The following PFKP variants were observed in gnomAD, a reference collection of about 807,000 sequenced individuals.
PFKP encodes the protein ATP-dependent 6-phosphofructokinase, platelet type.
In PFKP, 101 loss-of-function variants were observed where a neutral mutation model predicts 94.3. The ratio of observed to expected loss-of-function variants is 1.07; its 90% CI spans 0.91 to 1.26. PFKP has a LOEUF of 1.26. PFKP is among the 50% of genes most tolerant of loss of function. The probability of loss-of-function intolerance (pLI) is 0.00; values close to 1 mark genes in which losing one functional copy is unlikely to be tolerated. For missense variants in PFKP, 1,145 were observed against 1,103.3 expected (o/e 1.04, Z -0.53); for synonymous variants, 573 against 432.6 (o/e 1.32, Z -4.03).
chr10:3,080,810 C>A (rs1326164992), intron 1 of PFKP, among the ~76,000 whole-genome samples: 2 of 152,088 alleles, frequency 1.3e-5, no homozygotes, highest in Non-Finnish European at 2.9e-5. Flanking sequence ...CAGAGGGAGT[C>A]AGGGAGTCGG....
intron 16 of PFKP, among the ~76,000 whole-genome samples, chr10:3,121,439 A>T (rs1039810208): frequency 1.3e-5 from 2 of 152,114 alleles, no homozygotes; most frequent in African/African-American, 4.8e-5. Flanking sequence ...TGGGTGTGCA[A>T]TGGGAGGGAC....
At chr10:3,101,010 C>CT (rs769153137) in intron 3 of PFKP, 1 of 1,608,862 alleles carries the variant, frequency 6.2e-7, no homozygotes, top group South Asian at 1.1e-5. Context: ...GGTCAGTGGG[C>CT]TTGTCTTTGG....
intron 16 of PFKP, among the ~76,000 whole-genome samples, chr10:3,127,350 G>A (rs902340584): frequency 2.6e-5 from 4 of 152,236 alleles, no homozygotes. Flanking sequence ...ACACGCCTGG[G>A]CACAAATCAG....
At chr10:3,118,962 A>T in intron 15 of PFKP, 93 bp downstream of exon 15, 1 of 864,472 alleles carries the variant, frequency 1.2e-6, no homozygotes, top group Non-Finnish European at 1.8e-6. Flanking sequence ...ACTGGCCACG[A>T]TCCGAGATGA....
intron 14 of PFKP, among the ~76,000 whole-genome samples, chr10:3,117,537 G>A (rs76469368): frequency 0.019 from 2,920 of 152,304 alleles, 43 homozygotes; most frequent in Middle Eastern, 0.031. Context: ...TGTTCCAAGG[G>A]AGTTAGCTGC....
Position 3,105,427 on chromosome 10 carries a change from G to A in PFKP, c.700G>A (p.Ala234Thr). The A allele has an allele frequency of 6.2e-7, 1 of 1,614,072 alleles. No individual in the cohort carries two copies. Among genetic ancestry groups the A allele is most frequent in the Non-Finnish European group, 8.5e-7 (1 of 1,179,988 alleles). ...LALVSALACGADWVFLPESPP... is the reference protein window; with the variant it reads ...LALVSALACGTDWVFLPESPP... The stretch of plus-strand genomic sequence containing the variant: ...CCTGGTGAGTGCCTTGGCCTGCGGT[G>A]CGGACTGGGTGTTCCTTCCAGAATC... The change falls in exon 7 of 22, where the codon GCG becomes ACG. Residue 234 changes from alanine to threonine, a missense_variant. By Grantham distance (58) the Ala-to-Thr change is moderately conservative. Around this residue, in one of 3 missense-constraint regions of PFKP, gnomAD observed 1,119 missense variants for 1,062.8 expected, o/e 1.05. Transcript: ENST00000381125.
rs767321592 is a variant in PFKP at position 3,132,438 on chromosome 10, T to G, written c.1907T>G (p.Leu636Arg). ...MKTTIQRGLV[L>R]RNESCSENYT... ...ACCACCATCCAGAGAGGCCTTGTGC[T>G]CAGGTGAGAGAGAGAGACCAGGGGC... Residue 636 changes from leucine (L) to arginine (R), a missense_variant, in exon 18 of 22, where the codon CTC (leucine) becomes CGC (arginine). By Grantham distance (102) the Leu-to-Arg change is moderately radical (BLOSUM62 -2). This residue lies in a region of PFKP where 1,119 missense variants were observed against 1,062.8 expected (regional missense o/e 1.05). Transcript: ENST00000381125. 1.8e-5 allele frequency: 29 copies of G among 1,607,820 alleles called. No homozygotes were observed. Among genetic ancestry groups the G allele is most frequent in the African/African-American group, 5.3e-5 (4 of 74,788 alleles).
intron 13 of PFKP, 55 bp from the exon 14 acceptor site, chr10:3,116,721 G>T: frequency 3.0e-6 from 4 of 1,348,830 alleles, no homozygotes; most frequent in Non-Finnish European, 4.3e-6. Flanking sequence ...TTAGCACTTT[G>T]CAACTTGCCT....
chr10:3,124,188 C>G (rs1314476303), intron 16 of PFKP, among the ~76,000 whole-genome samples: 2 of 152,248 alleles, frequency 1.3e-5, no homozygotes, highest in East Asian at 3.9e-4. Context: ...CGCCCTGTGT[C>G]CCACCAGTAG....
At position 3,133,303 on chromosome 10, in the gene PFKP, C is replaced by T. The variant is rs1399556694; in HGVS notation, c.2011C>T (p.His671Tyr). The T allele has an allele frequency of 6.2e-7, 1 of 1,609,452 alleles. No individual in the cohort carries two copies. ...TGACTGCAGGAAGAACGTGCTGGGT[C>T]ACATGCAGCAGGTAGGCCCGAGACT... ...VFDCRKNVLG[H>Y]MQQGGAPSPF... The change falls in exon 19 of 22, where the codon CAC becomes TAC. Residue 671 changes from histidine (H) to tyrosine (Y), a missense_variant. His to Tyr is a moderately conservative substitution (Grantham distance 83). Coordinates refer to ENST00000381125, the MANE Select transcript of PFKP (RefSeq NM_002627.5).
rs1274861308 is a variant in PFKP at position 3,105,130 on chromosome 10, C to T, written c.636C>T (p.Phe212=). The stretch of plus-strand genomic sequence containing the variant: ...TCTCTTCCAGCCACCAGAGGACCTT[C>T]GTTCTGGAGGTGATGGGACGACACT... ...MTTAQSHQRT[F]VLEVMGRHCG... The change falls in exon 6 of 22, where the codon TTC becomes TTT. Residue 212 remains phenylalanine (F), a synonymous_variant. Coordinates refer to ENST00000381125, the MANE Select transcript of PFKP (RefSeq NM_002627.5). 8.7e-6 allele frequency: 14 copies of T among 1,613,818 alleles called. No individual in the cohort carries two copies. Among genetic ancestry groups the T allele is most frequent in the South Asian group, 4.4e-5 (4 of 91,058 alleles).
At chr10:3,110,862 TTG>T (rs763965840) in intron 10 of PFKP, among the ~76,000 whole-genome samples, 8 of 151,502 alleles carry the variant, frequency 5.3e-5, no homozygotes, top group African/African-American at 1.7e-4. Context: ...GTATGCATGT[TTG>T]TGGTAGTATG....
At chr10:3,131,167 T>C (rs1838543966) in intron 17 of PFKP, among the ~76,000 whole-genome samples, 1 of 152,208 alleles carries the variant, frequency 6.6e-6, no homozygotes, top group Admixed American at 6.5e-5. Context: ...ACTGTGCTTT[T>C]CTACATCTAG....
intron 16 of PFKP, among the ~76,000 whole-genome samples, chr10:3,127,470 G>A (rs1430367990): frequency 6.6e-6 from 1 of 152,236 alleles, no homozygotes; most frequent in African/African-American, 2.4e-5. Context: ...CTGCGGGGGA[G>A]ATTCAGTTGG....
intron 4 of PFKP, among the ~76,000 whole-genome samples, chr10:3,102,168 G>A (rs1047896794): frequency 1.7e-4 from 24 of 144,076 alleles, no homozygotes; most frequent in African/African-American, 5.9e-4. Context: ...GGAGAATGGC[G>A]TGAACCCGGG....
At chr10:3,071,587 A>G (rs1832201883) in intron 1 of PFKP, among the ~76,000 whole-genome samples, 1 of 152,092 alleles carries the variant, frequency 6.6e-6, no homozygotes, top group Admixed American at 6.5e-5. Flanking sequence ...CCCCACTGCC[A>G]CAGAACACTG....
At chr10:3,091,759 C>G (rs1162144285) in intron 2 of PFKP, among the ~76,000 whole-genome samples, 3 of 151,978 alleles carry the variant, frequency 2.0e-5, no homozygotes, top group Non-Finnish European at 4.4e-5. Context: ...GCATTCCAGC[C>G]TGGGTGACAG....
intron 16 of PFKP, among the ~76,000 whole-genome samples, chr10:3,125,672 C>T (rs1397630173): frequency 1.3e-5 from 2 of 152,236 alleles, no homozygotes; most frequent in Non-Finnish European, 1.5e-5. Flanking sequence ...AACAGCCTTC[C>T]TGGTGAGACA....
At chr10:3,109,603 G>A in intron 10 of PFKP, 123 bp downstream of exon 10, 4 of 1,221,586 alleles carry the variant, frequency 3.3e-6, no homozygotes, top group Non-Finnish European at 4.6e-6. Flanking sequence ...GCCTTTCTGA[G>A]AAGGAGGTGA....
Sources: allele counts gnomAD v4.1 joint callset (sites outside exome capture counted in the v4.1 genomes callset), GRCh38; gene constraint gnomAD v4.1.1; regional missense constraint gnomAD v4.1.1; transcripts MANE v1.5; gene names NCBI Gene and HGNC (gene_info 2026-07-23, HGNC 2026-07-21).